UTP6: variants seen among roughly 807,000 people sequenced by gnomAD.
UTP6 encodes UTP6 small subunit processome component.
Under a neutral mutation model 96.5 loss-of-function variants are expected in UTP6, and 60 were observed. The observed-to-expected ratio is 0.62, with a 90% CI of 0.51 to 0.77. UTP6 has a LOEUF of 0.77. UTP6 is among the 30% of genes least tolerant of loss of function. The pLI is 0.00. For synonymous variants in UTP6, 215 were observed against 240.1 expected (o/e 0.90, Z 0.96); for missense variants, 637 against 706.5 (o/e 0.90, Z 1.12).
rs140589692 is a variant in UTP6, at chr17:31,886,840, T to C, written c.621+396A>G. Among the ~76,000 whole-genome samples the C allele has an allele frequency of 7.7e-4, 118 of 152,338 alleles. 2 individuals carry two copies. In the East Asian group the frequency reaches 0.017, roughly 21 times the overall value. The stretch of plus-strand genomic sequence containing the variant: ...ACCTTTCTCAAGCTCCTTGAATCCA[T>C]TAATATATCACTTTATGAGATCATA... On this transcript the variant is annotated intron_variant, in intron 8 of 18. Coordinates refer to ENST00000261708, the MANE Select transcript of UTP6 (RefSeq NM_018428.3).
At chr17:31,872,125 G>A (rs994911305) in intron 16 of UTP6, among the ~76,000 whole-genome samples, 6 of 150,436 alleles carry the variant, frequency 4.0e-5, no homozygotes, top group African/African-American at 1.5e-4. Context: ...AACCCGGGAG[G>A]CAGAAGTTGC....
rs1904398847 is a variant in UTP6, at chr17:31,892,784, T to G, written c.323A>C (p.Gln108Pro). The change falls in exon 5 of 19, where the codon CAA (glutamine) becomes CCA (proline). Residue 108 changes from glutamine to proline, a missense_variant. By Grantham distance (76) the Gln-to-Pro change is moderately conservative. Coordinates refer to ENST00000261708, the MANE Select transcript of UTP6 (RefSeq NM_018428.3). ...AAAAGCCACATAGGAGAGCCAAAGTTGAACATCGTCCTGCAAGAAAAGCAA... is the reference window on the plus strand; with the variant it reads ...AAAAGCCACATAGGAGAGCCAAAGTGGAACATCGTCCTGCAAGAAAAGCAA... ...RASAKWKDDV[Q>P]LWLSYVAFCK... 1.2e-6 allele frequency: 2 copies of G among 1,614,146 alleles called. No homozygotes were observed. Among genetic ancestry groups the G allele is most frequent in the Non-Finnish European group, 1.7e-6 (2 of 1,180,006 alleles).
intron 5 of UTP6, 74 bp downstream of exon 5, chr17:31,892,673 T>A: frequency 6.3e-7 from 1 of 1,587,684 alleles, no homozygotes; most frequent in South Asian, 1.1e-5. Context: ...GGAAAAAACA[T>A]CTGGCATGAA....
At chr17:31,889,151 G>A (rs1911318468) in intron 7 of UTP6, 134 bp downstream of exon 7, 6 of 573,686 alleles carry the variant, frequency 1.0e-5, no homozygotes, top group Admixed American at 5.5e-5. Context: ...GCCAGGTATG[G>A]TGGCGGGCAC....
intron 16 of UTP6, among the ~76,000 whole-genome samples, chr17:31,870,529 T>G (rs1037315663): frequency 2.1e-5 from 3 of 146,080 alleles, no homozygotes; most frequent in East Asian, 2.0e-4. Flanking sequence ...TTTTTTTTGG[T>G]TTTTTTTTTT....
intron 2 of UTP6, among the ~76,000 whole-genome samples, chr17:31,898,185 C>G (rs1904765131): frequency 6.6e-6 from 1 of 152,172 alleles, no homozygotes; most frequent in Non-Finnish European, 1.5e-5. Context: ...CCCAATGCTA[C>G]TCCTGTTCAG....
chr17:31,873,097 T>G, intron 16 of UTP6: 1 of 295,850 alleles, frequency 3.4e-6, no homozygotes, highest in South Asian at 3.9e-5. Context: ...AAATCTAAAA[T>G]TTAAAAATTA....
chr17:31,884,515 A>C lies in UTP6; in HGVS notation c.704-10T>G. The C allele has an allele frequency of 6.2e-7, 1 of 1,608,660 alleles. No individual in the cohort carries two copies. The highest frequency in any genetic ancestry group is 8.5e-7 in the Non-Finnish European group (1 of 1,177,432). ...ACGTGAAATTCTGCACCTAAATTTA[A>C]AAAGCAGGGGAGGGGAAGTTTATTG... On this transcript the variant is annotated splice_polypyrimidine_tract_variant and intron_variant, in intron 9 of 18. Transcript: ENST00000261708.
chr17:31,884,318 G>C (rs1911019343), intron 10 of UTP6, 106 bp downstream of exon 10: 6 of 886,082 alleles, frequency 6.8e-6, no homozygotes, highest in Non-Finnish European at 9.9e-6. Context: ...TTTATTCCAG[G>C]GATTTAGTGT....
At chr17:31,863,595 G>C in intron 18 of UTP6, 79 bp from the exon 19 acceptor site, 1 of 1,298,368 alleles carries the variant, frequency 7.7e-7, no homozygotes, top group Non-Finnish European at 1.1e-6. Flanking sequence ...TTCAACTCAA[G>C]ATTTCTAAGA....
At chr17:31,892,653 C>T (rs2142320375) in intron 5 of UTP6, 94 bp downstream of exon 5, 1 of 1,512,598 alleles carries the variant, frequency 6.6e-7, no homozygotes, top group South Asian at 1.2e-5. Context: ...CATGTTAACC[C>T]TACACTTCAG....
intron 11 of UTP6, chr17:31,880,328 G>A: frequency 6.9e-6 from 3 of 436,042 alleles, no homozygotes; most frequent in South Asian, 6.8e-5. Context: ...GGCTGAGGCA[G>A]GAGAATTGCT....
chr17:31,893,899 T>C (rs1904478674), intron 4 of UTP6, among the ~76,000 whole-genome samples: 1 of 152,040 alleles, frequency 6.6e-6, no homozygotes, highest in Non-Finnish European at 1.5e-5. Context: ...ATCTATCCAG[T>C]TGGTTTAATG....
At chr17:31,889,945 G>A (rs925190653) in intron 6 of UTP6, among the ~76,000 whole-genome samples, 1 of 152,166 alleles carries the variant, frequency 6.6e-6, no homozygotes, top group African/African-American at 2.4e-5. Flanking sequence ...GTTCAATTTA[G>A]AGGATGAGTA....
At chr17:31,890,647 T>C (rs1400554499) in intron 6 of UTP6, among the ~76,000 whole-genome samples, 2 of 148,412 alleles carry the variant, frequency 1.3e-5, no homozygotes, top group East Asian at 2.1e-4. Context: ...AAACTGCTTA[T>C]CTTACCACAA....
At chr17:31,876,166 A>G (rs1910491817) in intron 13 of UTP6, among the ~76,000 whole-genome samples, 1 of 151,792 alleles carries the variant, frequency 6.6e-6, no homozygotes, top group Admixed American at 6.6e-5. Flanking sequence ...CCTCCCGAGT[A>G]GCTGGGACGA....
rs33960994 is a variant in UTP6, at chr17:31,868,325, G to GTTTTTTTTT, written c.1497-222_1497-214dup. Among the ~76,000 whole-genome samples the GTTTTTTTTT allele has an allele frequency of 2.2e-4, 20 of 90,510 alleles. 1 individual carries two copies. Among genetic ancestry groups the GTTTTTTTTT allele is most frequent in the East Asian group, 7.6e-4 (2 of 2,646 alleles). 59.4% of individuals were successfully genotyped at this position (90,510 alleles called of 152,430 possible). On this transcript the variant is annotated intron_variant, in intron 16 of 18. Coordinates refer to ENST00000261708, the MANE Select transcript of UTP6 (RefSeq NM_018428.3). ...TTCATACCCAGTTCTTAGTTTTTTG[G>GTTTTTTTTT]TTTTTTTTTTTTTTTTTTTTTTGAG...
chr17:31,874,705 G>C (rs1598100157), intron 14 of UTP6, among the ~76,000 whole-genome samples: 1 of 152,050 alleles, frequency 6.6e-6, no homozygotes, highest in South Asian at 2.1e-4. Context: ...GCCAAGGCGG[G>C]CAGATCACTT....
chr17:31,870,515 G>GT (rs757361777), intron 16 of UTP6, among the ~76,000 whole-genome samples: 1,706 of 138,608 alleles, frequency 0.012, 14 homozygotes, highest in Middle Eastern at 0.026. Context: ...TGTTGTTTTG[G>GT]TTTTTTTTTT....
Sources: gnomAD v4.1 joint callset for allele counts (sites outside exome capture counted in the v4.1 genomes callset) on GRCh38, gnomAD v4.1.1 for gene constraint, MANE v1.5 for transcripts, NCBI Gene and HGNC (gene_info 2026-07-23, HGNC 2026-07-21) for gene names.